The following DDAH1 variants were observed in gnomAD, a reference collection of about 807,000 sequenced individuals.
DDAH1 encodes the protein dimethylarginine dimethylaminohydrolase 1.
A neutral mutation model predicts 28.8 loss-of-function variants in DDAH1; 19 were observed. That is an observed-to-expected ratio of 0.66 (90% CI 0.46 to 0.97). The LOEUF is 0.97. DDAH1 is among the 50% of genes least tolerant of loss of function. DDAH1 has a pLI of 0.00. For synonymous variants in DDAH1, 153 were observed against 154.4 expected (o/e 0.99, Z 0.07); for missense variants, 326 against 375.9 (o/e 0.87, Z 1.10).
At chr1:85,549,659 GT>G (rs1269602367) in intron 1 of DDAH1, among the ~76,000 whole-genome samples, 1 of 152,138 alleles carries the variant, frequency 6.6e-6, no homozygotes, top group Non-Finnish European at 1.5e-5. Context: ...AATTACAAAC[GT>G]TTTTAAAACT....
At chr1:85,524,402 T>A (rs1487099066) in intron 1 of DDAH1, among the ~76,000 whole-genome samples, 1 of 150,346 alleles carries the variant, frequency 6.7e-6, no homozygotes, top group Admixed American at 6.6e-5. Context: ...CTGGAGCATT[T>A]TGCTTAACCC....
chr1:85,404,381 C>G (rs1261441286), intron 1 of DDAH1: 1 of 1,534,986 alleles, frequency 6.5e-7, no homozygotes, highest in Admixed American at 2.0e-5. Context: ...TTGTCCTTAC[C>G]ATAGCTGACT....
chr1:85,492,550 C>T (rs528850088), intron 2 of DDAH1, among the ~76,000 whole-genome samples: 1 of 152,262 alleles, frequency 6.6e-6, no homozygotes, highest in African/African-American at 2.4e-5. Flanking sequence ...TCTCATTTTC[C>T]TCATTGGACC....
At chr1:85,430,137 G>A (rs1146378) in intron 1 of DDAH1, among the ~76,000 whole-genome samples, 124,054 of 152,206 alleles carry the variant, frequency 0.82, 50,738 homozygotes, top group Middle Eastern at 0.9. Flanking sequence ...TTTTCCCAAC[G>A]CCATTTATTA....
intron 1 of DDAH1, among the ~76,000 whole-genome samples, chr1:85,425,300 T>A (rs569848340): frequency 2.6e-5 from 4 of 152,218 alleles, no homozygotes; most frequent in African/African-American, 9.6e-5. Context: ...AAGCTAGTAA[T>A]TTTACTCAGT....
intron 1 of DDAH1, among the ~76,000 whole-genome samples, chr1:85,406,365 GTTTC>G (rs1238407443): frequency 6.6e-6 from 1 of 151,990 alleles, no homozygotes; most frequent in African/African-American, 2.4e-5. Context: ...ATTACATTTG[GTTTC>G]TTTCTCTTTT....
chr1:85,479,169 T>C lies in DDAH1; in HGVS notation c.-7+16997A>G, dbSNP rs12068483. 3.4e-4 allele frequency among the ~76,000 whole-genome samples: 42 copies of C among 124,450 alleles called. 1 individual carries two copies. The highest frequency in any genetic ancestry group is 7.8e-4 in the South Asian group (3 of 3,856). The allele number at this position is 124,450 out of a possible 152,430, so 81.6% of individuals were successfully genotyped here. A position where few individuals can be genotyped will look rare whatever the true frequency, so the allele number is the denominator to read the frequency against. On this transcript the variant is annotated intron_variant, in intron 2 of 6. Transcript: ENST00000426972. ...CTCCCTTCTGTTTTTCTTTTTTTTT[T>C]TTTTTTTTTTTTTTTGAGACGGAGT...
At chr1:85,447,864 A>G (rs1263660357) in intron 1 of DDAH1, 1 of 152,264 alleles carries the variant, frequency 6.6e-6, no homozygotes, top group East Asian at 1.9e-4. Context: ...CTTCACGCTG[A>G]ATCATCAGAA....
intron 1 of DDAH1, among the ~76,000 whole-genome samples, chr1:85,554,615 T>C (rs1211043756): frequency 6.6e-6 from 1 of 152,226 alleles, no homozygotes; most frequent in Non-Finnish European, 1.5e-5. Context: ...GCACTGCAAC[T>C]AAAATATTAA....
chr1:85,340,932 C>T (rs1648437177), intron 4 of DDAH1, among the ~76,000 whole-genome samples: 1 of 152,198 alleles, frequency 6.6e-6, no homozygotes, highest in African/African-American at 2.4e-5. Flanking sequence ...TGACACTTCC[C>T]CAGGCTGTCC....
chr1:85,446,767 T>C (rs1363232055), intron 1 of DDAH1, among the ~76,000 whole-genome samples: 2 of 152,114 alleles, frequency 1.3e-5, no homozygotes, highest in African/African-American at 2.4e-5. Context: ...TGGAGATGTA[T>C]CAAGTTTCTG....
Position 85,464,616 on chromosome 1 carries a change from C to CA in DDAH1, c.303+126_303+127insT. 6.6e-7 allele frequency: 1 copy of CA among 1,503,994 alleles called. No homozygotes were observed. Among genetic ancestry groups the CA allele is most frequent in the Non-Finnish European group, 8.9e-7 (1 of 1,124,852 alleles). 93.2% of individuals were successfully genotyped at this position (1,503,994 alleles called of 1,614,324 possible). On this transcript the variant is annotated intron_variant, in intron 1 of 5. Transcript: ENST00000284031. This position sits in a 1 kb window ranked among gnomAD's most constrained non-coding sequence, Gnocchi z 4.4. ...CACACACACACACACACACACTCGCCCCCCGACGGGAAGTTGTGAACTACT... is the reference window on the plus strand; with the variant it reads ...CACACACACACACACACACACTCGCCACCCCGACGGGAAGTTGTGAACTACT...
intron 1 of DDAH1, among the ~76,000 whole-genome samples, chr1:85,448,511 G>A (rs1476608919): frequency 6.6e-6 from 1 of 151,872 alleles, no homozygotes; most frequent in African/African-American, 2.4e-5. Flanking sequence ...CTCTCCTTTG[G>A]CACAAATATT....
chr1:85,372,433 G>A (rs796401790), intron 1 of DDAH1, among the ~76,000 whole-genome samples: 14 of 152,056 alleles, frequency 9.2e-5, no homozygotes, highest in African/African-American at 3.4e-4. Flanking sequence ...GGAAAAGACT[G>A]GAACAGTTCA....
At chr1:85,505,711 G>A (rs1656989163) in intron 1 of DDAH1, among the ~76,000 whole-genome samples, 1 of 152,144 alleles carries the variant, frequency 6.6e-6, no homozygotes, top group Non-Finnish European at 1.5e-5. Flanking sequence ...ATCATTATCT[G>A]AGATTAAAGG....
intron 2 of DDAH1, among the ~76,000 whole-genome samples, chr1:85,470,383 T>C (rs1050638792): frequency 6.6e-6 from 1 of 152,124 alleles, no homozygotes; most frequent in Non-Finnish European, 1.5e-5. Flanking sequence ...ACAAGAACAA[T>C]ATGAGGGAAA....
upstream of DDAH1, among the ~76,000 whole-genome samples, chr1:85,465,923 A>G (rs750275603): frequency 6.6e-6 from 1 of 152,246 alleles, no homozygotes; most frequent in Admixed American, 6.5e-5. Context: ...AAAATAAACA[A>G]TTCTTCCTGT....
At chr1:85,573,197 T>G (rs972013765) in intron 1 of DDAH1, among the ~76,000 whole-genome samples, 2 of 152,172 alleles carry the variant, frequency 1.3e-5, no homozygotes, top group African/African-American at 4.8e-5. Context: ...TCCCCAAGAC[T>G]TGCAAAAATT....
intron 1 of DDAH1, among the ~76,000 whole-genome samples, chr1:85,577,546 C>T (rs1272430580): frequency 6.6e-6 from 1 of 152,022 alleles, no homozygotes; most frequent in Non-Finnish European, 1.5e-5. Flanking sequence ...GTGTGATCTC[C>T]GGACCAGCAG....
Sources: allele counts gnomAD v4.1 joint callset (sites outside exome capture counted in the v4.1 genomes callset), GRCh38; gene constraint gnomAD v4.1.1; non-coding constraint Gnocchi (gnomAD v3.1); transcripts MANE v1.5; gene names NCBI Gene and HGNC (gene_info 2026-07-23, HGNC 2026-07-21).